FN1: variants seen among roughly 807,000 people sequenced by gnomAD.
FN1 encodes fibronectin.
A neutral mutation model predicts 297.3 loss-of-function variants in FN1; 106 were observed. That is an observed-to-expected ratio of 0.36 (90% confidence interval 0.30 to 0.42). The LOEUF (loss-of-function observed/expected upper bound fraction) is 0.42. FN1 is among the 10% of genes least tolerant of loss of function. The probability of loss-of-function intolerance (pLI) is 1.00; values close to 1 mark genes in which losing one functional copy is unlikely to be tolerated. For missense variants in FN1, 2,690 were observed against 3,124.9 expected, an observed-to-expected ratio of 0.86 and a Z score of 3.32; for synonymous variants, 1,149 against 1,152.6, an observed-to-expected ratio of 1.00 and a Z score of 0.06.
intron 11 of FN1, among the ~76,000 whole-genome samples, 170 bp downstream of exon 11, chr2:215,420,503 C>T (rs772595532): frequency 5.9e-5 from 9 of 152,078 alleles, no homozygotes; most frequent in Non-Finnish European, 1.0e-4. Context: ...CTACCAATAT[C>T]GAGATATTTT....
At position 215,404,469 on chromosome 2, in the gene FN1, G is replaced by C. The variant is rs780659685; in HGVS notation, c.3173C>G (p.Pro1058Arg). ...GAGGGATACGGTGTACTCAGATGCA[G>C]GCTGCAGATTCCTCAGTGGGTACTT... Reference protein sequence around the residue: ...VSKYPLRNLQPASEYTVSLVA... With the variant: ...VSKYPLRNLQRASEYTVSLVA... Residue 1058 changes from proline (P) to arginine (R), a missense_variant, in exon 20 of 46, where the codon CCT (proline) becomes CGT (arginine). Physicochemically the swap from Pro to Arg is moderately radical, Grantham distance 103. This residue lies in a region of FN1 where 1,743 missense variants were observed against 1,945.2 expected (regional missense o/e 0.90). Coordinates refer to ENST00000354785, the MANE Select transcript of FN1 (RefSeq NM_212482.4). 6.2e-7 allele frequency: 1 copy of C among 1,614,088 alleles called. No individual in the cohort carries two copies.
intron 12 of FN1, among the ~76,000 whole-genome samples, chr2:215,416,923 T>G (rs890914175): frequency 6.6e-6 from 1 of 152,040 alleles, no homozygotes; most frequent in Admixed American, 6.6e-5. Flanking sequence ...TTCCACGTTT[T>G]AAAATCTAGC....
intron 17 of FN1, 147 bp downstream of exon 17, chr2:215,407,960 AC>A: frequency 1.9e-5 from 6 of 323,896 alleles, no homozygotes; most frequent in Admixed American, 4.9e-5. Context: ...CCCGCCACAC[AC>A]ACACACACAC....
intron 19 of FN1, among the ~76,000 whole-genome samples, chr2:215,405,968 A>G (rs2061723030): frequency 6.6e-6 from 1 of 152,256 alleles, no homozygotes; most frequent in African/African-American, 2.4e-5. Flanking sequence ...AATGCACTCA[A>G]ATTAGATTCT....
At chr2:215,419,505 T>C in intron 11 of FN1, 120 bp from the exon 12 acceptor site, 1 of 852,312 alleles carries the variant, frequency 1.2e-6, no homozygotes, top group East Asian at 2.6e-5. Context: ...CTTACAAATA[T>C]ATGCAGTTAA....
chr2:215,369,037 G>T (rs2055268727), intron 41 of FN1, among the ~76,000 whole-genome samples: 1 of 152,038 alleles, frequency 6.6e-6, no homozygotes, highest in Non-Finnish European at 1.5e-5. Context: ...TGGAGAACTG[G>T]TAAGTCTGAG....
chr2:215,406,380 G>A lies in FN1; in HGVS notation c.2844C>T (p.Gly948=). 1.2e-6 allele frequency: 2 copies of A among 1,614,174 alleles called. No homozygotes were observed. The highest frequency in any genetic ancestry group is 1.1e-5 in the South Asian group (1 of 91,080). ...TGATGGGCAGCCTCTGCCCGTGCTC[G>A]CCAGGCAGGTTGACGGGGATCACAT... ...RVDVIPVNLP[G]EHGQRLPISR... The change falls in exon 19 of 46, where the codon GGC becomes GGT. Residue 948 remains glycine, a synonymous_variant. Coordinates refer to ENST00000354785, the MANE Select transcript of FN1 (RefSeq NM_212482.4).
rs958812037 is a variant in FN1 at position 215,405,107 on chromosome 2, G to A, written c.2987-452C>T. ...ATATTCTGTGAATAGCCCTTTGCTA[G>A]AGAAATAAAAGTTATTTTCACATGG... On this transcript the variant is annotated intron_variant, in intron 19 of 45. Transcript: ENST00000354785. 7.9e-5 allele frequency among the ~76,000 whole-genome samples: 12 copies of A among 152,314 alleles called. No individual in the cohort carries two copies. The South Asian group carries it at 1.9e-3, about 24-fold the overall frequency.
In FN1 at chr2:215,384,891, C is replaced by T; in HGVS notation, c.4698G>A (p.Val1566=). Residue 1566 remains valine (V), a synonymous_variant, in exon 29 of 46, where the codon GTG becomes GTA. Transcript: ENST00000354785. Reference sequence around the variant, plus strand: ...CTCCGTAAGTGATCCTGTAATATCTCACTGTGACAGCAGGAGCATCCCAGC... The same window carrying T: ...CTCCGTAAGTGATCCTGTAATATCTTACTGTGACAGCAGGAGCATCCCAGC... ...LISWDAPAVT[V]RYYRITYGET... is the part of the protein sequence containing the mutation. 6.2e-7 allele frequency: 1 copy of T among 1,613,500 alleles called. No individual in the cohort carries two copies. Among genetic ancestry groups the T allele is most frequent in the South Asian group, 1.1e-5 (1 of 91,074 alleles).
Position 215,368,206 on chromosome 2 carries a change from G to A in FN1, c.6854-179C>T, listed in dbSNP as rs144249483. Among the ~76,000 whole-genome samples the A allele has an allele frequency of 0.014, 2,108 of 152,306 alleles. 40 individuals are homozygous for A. Among genetic ancestry groups the A allele is most frequent in the African/African-American group, 0.047 (1,934 of 41,552 alleles). ...CTGCTCTAAAAAACCATGGTTAGAT[G>A]TGACACCTGTCACAGGCACCCGACA... On this transcript the variant is annotated intron_variant, in intron 41 of 45. Transcript: ENST00000354785.
rs750365849 is a variant in FN1, at chr2:215,407,291, T to G, written c.2549A>C (p.Glu850Ala). 11 of 1,614,052 alleles carry G rather than the reference T, an allele frequency of 6.8e-6. No homozygotes were observed. The East Asian group carries it at 1.8e-4, about 26-fold the overall frequency. ...GYRIVYSPSV[E>A]GSSTELNLPE... Reference sequence around the variant, plus strand: ...AAGGTTGAGTTCTGTGCTGCTACCTTCTACTGATGGCGAATAGACTATTCT... The same window carrying G: ...AAGGTTGAGTTCTGTGCTGCTACCTGCTACTGATGGCGAATAGACTATTCT... The change falls in exon 18 of 46, where the codon GAA (glutamate) becomes GCA (alanine). Residue 850 changes from glutamate (E) to alanine (A), a missense_variant. Transcript: ENST00000354785.
In FN1 at chr2:215,410,295, A is replaced by G. The variant is rs561363139; in HGVS notation, c.1942-181T>C. On this transcript the variant is annotated intron_variant, in intron 13 of 45. Coordinates refer to ENST00000354785, the MANE Select transcript of FN1 (RefSeq NM_212482.4). ...TGGTTATATCGTTAGATATAGTTAG[A>G]TATAATGCTAACTATTGTTAACATC... Among the ~76,000 whole-genome samples the G allele has an allele frequency of 5.9e-5, 9 of 152,240 alleles. No individual in the cohort carries two copies. In the South Asian group the frequency reaches 1.9e-3, roughly 32 times the overall value.
chr2:215,394,471 A>C, intron 24 of FN1, 57 bp downstream of exon 24: 1 of 1,376,572 alleles, frequency 7.3e-7, no homozygotes, highest in Middle Eastern at 2.4e-4. Context: ...TTAAGATGCT[A>C]ATCCCCACTC....
intron 20 of FN1, among the ~76,000 whole-genome samples, chr2:215,401,976 G>A (rs1035049421): frequency 6.6e-6 from 1 of 151,914 alleles, no homozygotes; most frequent in South Asian, 2.1e-4. Flanking sequence ...TGGGTGACCC[G>A]ATGCCTTTTA....
chr2:215,392,733 G>T, intron 25 of FN1, 198 bp downstream of exon 25: 1 of 638,030 alleles, frequency 1.6e-6, no homozygotes, highest in South Asian at 1.8e-5. Context: ...AAATGAGAGT[G>T]TACTGAAGAA....
At chr2:215,384,701 A>G in intron 29 of FN1, 159 bp downstream of exon 29, 1 of 611,120 alleles carries the variant, frequency 1.6e-6, no homozygotes, top group Non-Finnish European at 2.9e-6. Context: ...AGAACAAATT[A>G]TATCATCTAT....
chr2:215,391,522 G>T, intron 26 of FN1, 110 bp downstream of exon 26: 1 of 867,760 alleles, frequency 1.2e-6, no homozygotes. Flanking sequence ...AGTTTAGTTT[G>T]TAGCTTGGTT....
intron 15 of FN1, 85 bp from the exon 16 acceptor site, chr2:215,408,511 A>T (rs2062104046): frequency 1.5e-6 from 2 of 1,334,434 alleles, no homozygotes; most frequent in African/African-American, 1.5e-5. Context: ...ATATTTTAAG[A>T]ATTATATATT....
chr2:215,387,729 A>C (rs78085465), intron 27 of FN1, among the ~76,000 whole-genome samples: 1 of 152,338 alleles, frequency 6.6e-6, no homozygotes, highest in African/African-American at 2.4e-5. Context: ...GAATACACTA[A>C]AGTGTACCTT....
Sources: gnomAD v4.1 joint callset for allele counts (sites outside exome capture counted in the v4.1 genomes callset) on GRCh38, gnomAD v4.1.1 for gene constraint, gnomAD v4.1.1 regional missense constraint, MANE v1.5 for transcripts, NCBI Gene and HGNC (gene_info 2026-07-23, HGNC 2026-07-21) for gene names.